CYYR1: variants seen among roughly 807,000 people sequenced by gnomAD.
CYYR1 encodes the protein cysteine and tyrosine rich 1, also known as cysteine and tyrosine-rich protein 1.
A neutral mutation model predicts 15.2 loss-of-function variants in CYYR1; 14 were observed. That is an observed-to-expected ratio of 0.92 (90% confidence interval 0.61 to 1.44). The LOEUF (loss-of-function observed/expected upper bound fraction) is 1.44, where lower values mean the gene tolerates loss of function less well. Among genes scored for constraint, CYYR1 ranks in the 40% most tolerant of loss-of-function variants. The pLI is 0.00. For synonymous variants in CYYR1, 80 were observed against 77.4 expected (o/e 1.03, Z -0.18); for missense variants, 228 against 209.5 (o/e 1.09, Z -0.54).
At chr21:26,538,075 G>A (rs1978323713) in intron 2 of CYYR1, among the ~76,000 whole-genome samples, 2 of 152,188 alleles carry the variant, frequency 1.3e-5, no homozygotes, top group African/African-American at 4.8e-5. Flanking sequence ...CCACGGAGAT[G>A]AGCCTTCATC....
At chr21:26,528,399 G>A (rs1457687890) in intron 2 of CYYR1, among the ~76,000 whole-genome samples, 1 of 152,086 alleles carries the variant, frequency 6.6e-6, no homozygotes. Flanking sequence ...CTCATGGTAA[G>A]GAGGGAGTTC....
chr21:26,505,737 G>A (rs2065549885), intron 2 of CYYR1, among the ~76,000 whole-genome samples: 1 of 152,146 alleles, frequency 6.6e-6, no homozygotes, highest in Non-Finnish European at 1.5e-5. Context: ...CAAAATGAAA[G>A]GAAGTTATTG....
At chr21:26,511,602 GA>G (rs2065649582) in intron 2 of CYYR1, among the ~76,000 whole-genome samples, 1 of 152,220 alleles carries the variant, frequency 6.6e-6, no homozygotes, top group South Asian at 2.1e-4. Flanking sequence ...GAGGGTAACA[GA>G]AAGCACAATG....
chr21:26,491,128 C>T (rs770617388), intron 2 of CYYR1, among the ~76,000 whole-genome samples: 5 of 152,158 alleles, frequency 3.3e-5, no homozygotes, highest in Non-Finnish European at 7.4e-5. Flanking sequence ...ATAGATACAG[C>T]TACTGCACAC....
chr21:26,468,835 G>C (rs972090769), intron 3 of CYYR1, among the ~76,000 whole-genome samples: 2 of 152,158 alleles, frequency 1.3e-5, no homozygotes, highest in African/African-American at 4.8e-5. Flanking sequence ...GTTAAGAACT[G>C]GTTGTTTAGA....
At chr21:26,506,083 C>T (rs946509994) in intron 2 of CYYR1, among the ~76,000 whole-genome samples, 6 of 152,078 alleles carry the variant, frequency 3.9e-5, no homozygotes, top group Non-Finnish European at 5.9e-5. Flanking sequence ...CTCAATAGGC[C>T]CATTGTGCCC....
rs1442747843 is a variant in CYYR1, at chr21:26,499,644, T to A, written c.177-19215A>T. Among the ~76,000 whole-genome samples, 3 of 152,092 alleles carry A rather than the reference T, an allele frequency of 2.0e-5. No homozygotes were observed. In the East Asian group the frequency reaches 5.8e-4, roughly 29 times the overall value. On this transcript the variant is annotated intron_variant, in intron 2 of 3. Coordinates refer to ENST00000652641, the MANE Select transcript of CYYR1 (RefSeq NM_001320768.2). ...TGCAGGACCTAACAATATCTGTGAG[T>A]GAGAAGCTGGAAATGAGGTTGGACA... is the stretch of plus-strand genomic sequence containing the variant.
At chr21:26,527,376 A>G (rs1252071761) in intron 2 of CYYR1, among the ~76,000 whole-genome samples, 2 of 152,196 alleles carry the variant, frequency 1.3e-5, no homozygotes, top group African/African-American at 4.8e-5. Flanking sequence ...TTAATTCTGT[A>G]AAATATAACC....
At position 26,525,924 on chromosome 21, in the gene CYYR1, A is replaced by G. The variant is rs77393867; in HGVS notation, c.176+40342T>C. Among the ~76,000 whole-genome samples, 578 of 152,296 alleles carry G rather than the reference A, an allele frequency of 3.8e-3. 4 individuals carry two copies. The highest frequency in any genetic ancestry group is 0.027 in the East Asian group (138 of 5,172). Reference sequence around the variant, plus strand: ...TTAGCAAAGTAGCAAGGAACAATAAACCAAATACCGCATGTTCTCAGTTAT... The same window carrying G: ...TTAGCAAAGTAGCAAGGAACAATAAGCCAAATACCGCATGTTCTCAGTTAT... On this transcript the variant is annotated intron_variant, in intron 2 of 3. Coordinates refer to ENST00000652641, the MANE Select transcript of CYYR1 (RefSeq NM_001320768.2).
chr21:26,543,123 G>A (rs1464970218), intron 2 of CYYR1, among the ~76,000 whole-genome samples: 1 of 152,152 alleles, frequency 6.6e-6, no homozygotes, highest in Non-Finnish European at 1.5e-5. Context: ...CTTAGAAGTA[G>A]GAGCTGAACA....
At chr21:26,549,831 G>T (rs1417657477) in intron 2 of CYYR1, among the ~76,000 whole-genome samples, 1 of 152,050 alleles carries the variant, frequency 6.6e-6, no homozygotes, top group African/African-American at 2.4e-5. Context: ...AATTTAAAAA[G>T]AATAAGAAAA....
At chr21:26,538,266 TATAGTGGATA>T (rs1487959293) in intron 2 of CYYR1, among the ~76,000 whole-genome samples, 1 of 152,226 alleles carries the variant, frequency 6.6e-6, no homozygotes, top group Non-Finnish European at 1.5e-5. Flanking sequence ...TAAGAGGTGG[TATAGTGGATA>T]AAATTCCACT....
chr21:26,559,721 C>A (rs1417538717), intron 2 of CYYR1, among the ~76,000 whole-genome samples: 1 of 152,150 alleles, frequency 6.6e-6, no homozygotes, highest in African/African-American at 2.4e-5. Context: ...AATCTATCCA[C>A]CTCCACTAGT....
In CYYR1 at chr21:26,468,337, C is replaced by CA. The variant is rs1429964165; in HGVS notation, c.*163dup. The CA allele has an allele frequency of 3.0e-6, 2 of 669,870 alleles. No individual in the cohort carries two copies. The highest frequency in any genetic ancestry group is 5.5e-5 in the East Asian group (2 of 36,554). 41.5% of individuals were successfully genotyped at this position (669,870 alleles called of 1,614,324 possible). A position where few individuals can be genotyped will look rare whatever the true frequency, so the allele number is the denominator to read the frequency against. On this transcript the variant is annotated 3_prime_UTR_variant, in exon 4 of 4. Transcript: ENST00000652641. ...TACTCCAGATGGGGTCAGCTTTGAG[C>CA]AGAGTAGAAATCCTATATCTCCTAG...
At chr21:26,505,423 G>C (rs1268130116) in intron 2 of CYYR1, among the ~76,000 whole-genome samples, 2 of 152,216 alleles carry the variant, frequency 1.3e-5, no homozygotes, top group Non-Finnish European at 2.9e-5. Context: ...TTTGATAACA[G>C]ACAGACCCAA....
At chr21:26,523,763 G>A (rs1249487318) in intron 2 of CYYR1, among the ~76,000 whole-genome samples, 1 of 152,120 alleles carries the variant, frequency 6.6e-6, no homozygotes, top group Non-Finnish European at 1.5e-5. Flanking sequence ...TCAACCTAAT[G>A]TAGGCTGCCC....
chr21:26,482,352 T>C (rs2123407747), intron 2 of CYYR1: 2 of 985,372 alleles, frequency 2.0e-6, no homozygotes, highest in East Asian at 1.1e-4. Context: ...TAGAAATCTT[T>C]CCCACATTAT....
chr21:26,478,160 A>AT, intron 3 of CYYR1: 10 of 1,548,808 alleles, frequency 6.5e-6, no homozygotes, highest in Non-Finnish European at 8.7e-6. Context: ...TGAACAATAA[A>AT]CAATCAACAT....
chr21:26,502,302 CTTTTT>C (rs33974862), intron 2 of CYYR1, among the ~76,000 whole-genome samples: 2 of 139,308 alleles, frequency 1.4e-5, no homozygotes, highest in African/African-American at 2.6e-5. Flanking sequence ...TTGAGAACTG[CTTTTT>C]TTTTTTTTTT....
Sources: gnomAD v4.1 joint callset for allele counts (sites outside exome capture counted in the v4.1 genomes callset) on GRCh38, gnomAD v4.1.1 for gene constraint, MANE v1.5 for transcripts, NCBI Gene and HGNC (gene_info 2026-07-23, HGNC 2026-07-21) for gene names.